Variants in TNR observed in about 807,000 individuals in gnomAD.
The protein encoded by TNR is tenascin-R.
In TNR, 45 loss-of-function variants were observed where a neutral mutation model predicts 150.4. The observed-to-expected ratio is 0.30, with a 90% CI of 0.24 to 0.38. TNR has a LOEUF of 0.38. TNR is among the 10% of genes least tolerant of loss of function. TNR has a pLI of 1.00. For synonymous variants in TNR, 687 were observed against 678.4 expected (o/e 1.01, Z -0.20); for missense variants, 1,544 against 1,759.1 (o/e 0.88, Z 2.19).
intron 2 of TNR, among the ~76,000 whole-genome samples, chr1:175,440,729 T>C (rs774551746): frequency 1.3e-5 from 2 of 152,086 alleles, no homozygotes; most frequent in African/African-American, 2.4e-5. Flanking sequence ...GAGTTGAGAA[T>C]AGATTCAGTA....
intron 1 of TNR, among the ~76,000 whole-genome samples, chr1:175,617,792 C>G (rs1467316481): frequency 6.6e-6 from 1 of 152,222 alleles, no homozygotes; most frequent in African/African-American, 2.4e-5. Flanking sequence ...AATAACTACA[C>G]AACATCTTTT....
intron 1 of TNR, among the ~76,000 whole-genome samples, chr1:175,578,226 C>T (rs887669978): frequency 2.6e-5 from 4 of 151,262 alleles, no homozygotes; most frequent in East Asian, 1.9e-4. Context: ...GCAGGCCTGC[C>T]GGGGGAAACT....
intron 2 of TNR, among the ~76,000 whole-genome samples, chr1:175,409,326 G>A (rs1414682714): frequency 6.6e-6 from 1 of 152,138 alleles, no homozygotes; most frequent in Non-Finnish European, 1.5e-5. Flanking sequence ...TTTGCACATA[G>A]TTGACACTCA....
At chr1:175,691,219 G>A (rs557793402) in intron 1 of TNR, among the ~76,000 whole-genome samples, 1 of 68,214 alleles carries the variant, frequency 1.5e-5, no homozygotes, top group African/African-American at 4.8e-5. Flanking sequence ...GATGGGAAAC[G>A]CAGGCCACAG....
intron 15 of TNR, among the ~76,000 whole-genome samples, chr1:175,358,356 A>T (rs1651425180): frequency 6.6e-6 from 1 of 152,356 alleles, no homozygotes; most frequent in South Asian, 2.1e-4. Context: ...TGAAATACAA[A>T]TGTACTAGCA....
chr1:175,646,122 G>C (rs768274226), intron 1 of TNR, among the ~76,000 whole-genome samples: 1 of 152,130 alleles, frequency 6.6e-6, no homozygotes, highest in Admixed American at 6.5e-5. Context: ...CTAGTTGCAC[G>C]CATTTATATC....
chr1:175,382,069 A>T (rs1212259569), intron 8 of TNR, among the ~76,000 whole-genome samples: 1 of 152,178 alleles, frequency 6.6e-6, no homozygotes, highest in Non-Finnish European at 1.5e-5. Context: ...AAACCGCTTG[A>T]TCCAACATGG....
intron 1 of TNR, among the ~76,000 whole-genome samples, chr1:175,532,160 G>A (rs946670847): frequency 6.6e-6 from 1 of 152,240 alleles, no homozygotes; most frequent in Non-Finnish European, 1.5e-5. Context: ...ACTGCAAATT[G>A]CTGGAGATGT....
chr1:175,638,098 A>G (rs1664540589), intron 1 of TNR, among the ~76,000 whole-genome samples: 1 of 152,204 alleles, frequency 6.6e-6, no homozygotes, highest in African/African-American at 2.4e-5. Flanking sequence ...CCTGTGAGTC[A>G]GGCTCTTGTG....
chr1:175,693,032 C>T (rs530002979), intron 1 of TNR, among the ~76,000 whole-genome samples: 1 of 152,222 alleles, frequency 6.6e-6, no homozygotes, highest in Non-Finnish European at 1.5e-5. Flanking sequence ...AGACACAGAC[C>T]TCTGCACTTG....
At chr1:175,384,258 G>A (rs1439220803) in intron 8 of TNR, among the ~76,000 whole-genome samples, 1 of 152,220 alleles carries the variant, frequency 6.6e-6, no homozygotes, top group Non-Finnish European at 1.5e-5. Context: ...GGTATTGTGG[G>A]GGTGGGAAAT....
At chr1:175,734,770 C>A (rs1366265780) in intron 1 of TNR, among the ~76,000 whole-genome samples, 1 of 152,178 alleles carries the variant, frequency 6.6e-6, no homozygotes, top group African/African-American at 2.4e-5. Context: ...TGCATCATTG[C>A]TGGGCGCCTC....
At chr1:175,641,172 C>T (rs753784673) in intron 1 of TNR, among the ~76,000 whole-genome samples, 21 of 152,128 alleles carry the variant, frequency 1.4e-4, no homozygotes, top group Non-Finnish European at 2.6e-4. Context: ...GAAAACAACG[C>T]ATCTTAAAAT....
chr1:175,657,517 G>A (rs35597844), intron 1 of TNR, among the ~76,000 whole-genome samples: 5,521 of 151,976 alleles, frequency 0.036, 117 homozygotes, highest in African/African-American at 0.04. Flanking sequence ...CTTGGAACCA[G>A]CCCAAATGTC....
intron 1 of TNR, among the ~76,000 whole-genome samples, chr1:175,684,377 G>T (rs1008134744): frequency 2.0e-5 from 3 of 152,132 alleles, no homozygotes; most frequent in African/African-American, 7.2e-5. Flanking sequence ...AGTGAGGAAT[G>T]GGTTTCATCC....
At chr1:175,615,561 A>T (rs1273180664) in intron 1 of TNR, among the ~76,000 whole-genome samples, 1 of 152,184 alleles carries the variant, frequency 6.6e-6, no homozygotes, top group Non-Finnish European at 1.5e-5. Context: ...GAGGTCACAG[A>T]GCCTATGTGT....
chr1:175,397,884 T>C (rs760753094), intron 4 of TNR, among the ~76,000 whole-genome samples: 6 of 152,326 alleles, frequency 3.9e-5, no homozygotes, highest in Non-Finnish European at 5.9e-5. Flanking sequence ...TAAGACTAAC[T>C]AAGAGGCTAA....
intron 2 of TNR, among the ~76,000 whole-genome samples, chr1:175,458,308 A>C (rs1385308141): frequency 1.3e-5 from 2 of 152,196 alleles, no homozygotes; most frequent in Admixed American, 1.3e-4. Context: ...ATAGCACCAT[A>C]GATTTACTCA....
At chr1:175,713,174 A>G (rs915221200) in intron 1 of TNR, among the ~76,000 whole-genome samples, 3 of 152,236 alleles carry the variant, frequency 2.0e-5, no homozygotes, top group Non-Finnish European at 4.4e-5. Context: ...TTTGCTCTGC[A>G]GACAAAGATG....
Sources: gnomAD v4.1 joint callset for allele counts (sites outside exome capture counted in the v4.1 genomes callset) on GRCh38, gnomAD v4.1.1 for gene constraint, MANE v1.5 for transcripts, NCBI Gene and HGNC (gene_info 2026-07-23, HGNC 2026-07-21) for gene names.